Variants in PITPNC1 observed in about 807,000 individuals in gnomAD.
PITPNC1 encodes the protein cytoplasmic phosphatidylinositol transfer protein 1.
A neutral mutation model predicts 44.7 loss-of-function variants in PITPNC1; 18 were observed. That is an observed-to-expected ratio of 0.40 (90% CI 0.28 to 0.60). PITPNC1 has a LOEUF of 0.60. Among genes scored for constraint, PITPNC1 ranks in the 20% least tolerant of loss-of-function variants. The pLI, the probability that PITPNC1 is intolerant of heterozygous loss-of-function variation, is 0.39. For synonymous variants in PITPNC1, 141 were observed against 149.6 expected, an observed-to-expected ratio of 0.94 and a Z score of 0.42; for missense variants, 290 against 418.4, an observed-to-expected ratio of 0.69 and a Z score of 2.68.
chr17:67,477,241 C>CTT (rs3052411), intron 1 of PITPNC1, among the ~76,000 whole-genome samples: 97 of 96,972 alleles, frequency 1.0e-3, no homozygotes, highest in Non-Finnish European at 1.4e-3. Flanking sequence ...ACACCCAGCT[C>CTT]TTTTTTTTTT....
At chr17:67,545,333 C>T (rs2040663863) in intron 2 of PITPNC1, among the ~76,000 whole-genome samples, 1 of 151,758 alleles carries the variant, frequency 6.6e-6, no homozygotes, top group Admixed American at 6.6e-5. Flanking sequence ...TCTCCCAGCA[C>T]TTTGGGAGGC....
rs116005101 is a variant in PITPNC1, at chr17:67,489,759, A to C, written c.49-43043A>C. Among the ~76,000 whole-genome samples the C allele has an allele frequency of 3.9e-3, 590 of 151,266 alleles. 5 individuals carry two copies. Among genetic ancestry groups the C allele is most frequent in the African/African-American group, 0.014 (570 of 41,190 alleles). ...TATTTCTTTTTTCTTTTTCTTTTTT[A>C]ATTTGAGATGGAGTCTCGCTCTGTC... On this transcript the variant is annotated intron_variant, in intron 1 of 8. Transcript: ENST00000581322.
In PITPNC1 at chr17:67,461,252, CAT is replaced by C. The variant is rs377433062; in HGVS notation, c.49-71547_49-71546del. The stretch of plus-strand genomic sequence containing the variant: ...CAGATTTCTCAAATGAGAAGTAAAA[CAT>C]ATTCTATAAGTTTTGAAAATGCTTC... On this transcript the variant is annotated intron_variant, in intron 1 of 8. Transcript: ENST00000581322. 3.1e-3 allele frequency among the ~76,000 whole-genome samples: 466 copies of C among 152,342 alleles called. 1 individual carries two copies. Among genetic ancestry groups the C allele is most frequent in the African/African-American group, 9.9e-3 (412 of 41,580 alleles).
At chr17:67,605,775 T>A (rs2041600147) in intron 5 of PITPNC1, among the ~76,000 whole-genome samples, 1 of 152,196 alleles carries the variant, frequency 6.6e-6, no homozygotes. Context: ...GGACATCAAG[T>A]GAAGCCAGTA....
At chr17:67,501,652 T>A (rs1048613959) in intron 1 of PITPNC1, among the ~76,000 whole-genome samples, 1 of 152,040 alleles carries the variant, frequency 6.6e-6, no homozygotes, top group African/African-American at 2.4e-5. Context: ...GCCAACATGG[T>A]GAAATCCTGT....
intron 1 of PITPNC1, among the ~76,000 whole-genome samples, chr17:67,424,405 C>T (rs749443603): frequency 6.6e-6 from 1 of 152,084 alleles, no homozygotes; most frequent in African/African-American, 2.4e-5. Context: ...TCCTGTAATC[C>T]CAGCACTTTG....
rs1254431095 is a variant in PITPNC1, at chr17:67,440,710, G to GA, written c.48+62516dup. The stretch of plus-strand genomic sequence containing the variant: ...GTCATGCCTGGCTGATTTTTTTTTT[G>GA]AAAAAAAATTTTTTTTATAGGGATA... On this transcript the variant is annotated intron_variant, in intron 1 of 8. Coordinates refer to ENST00000581322, the MANE Select transcript of PITPNC1 (RefSeq NM_012417.4). Among the ~76,000 whole-genome samples the GA allele has an allele frequency of 2.4e-4, 35 of 148,658 alleles. 1 individual carries two copies. In the East Asian group the frequency reaches 4.9e-3, roughly 21 times the overall value.
chr17:67,415,362 C>G (rs530363595), intron 1 of PITPNC1, among the ~76,000 whole-genome samples: 1 of 152,314 alleles, frequency 6.6e-6, no homozygotes, highest in East Asian at 1.9e-4. Context: ...GGTGTCACTC[C>G]CATTAGATTG....
At chr17:67,450,976 G>T (rs932273598) in intron 1 of PITPNC1, among the ~76,000 whole-genome samples, 7 of 151,972 alleles carry the variant, frequency 4.6e-5, no homozygotes, top group African/African-American at 1.5e-4. Flanking sequence ...TCTGTATCTG[G>T]CGTCTTTTTC....
intron 1 of PITPNC1, among the ~76,000 whole-genome samples, chr17:67,425,508 G>A (rs1249728683): frequency 8.0e-5 from 8 of 99,582 alleles, no homozygotes; most frequent in Non-Finnish European, 1.1e-4. Flanking sequence ...TCTCTCATTC[G>A]CTATTTCTTT....
intron 1 of PITPNC1, among the ~76,000 whole-genome samples, chr17:67,401,650 C>T (rs917641584): frequency 6.6e-6 from 1 of 151,980 alleles, no homozygotes; most frequent in East Asian, 1.9e-4. Context: ...TCAAGACCAG[C>T]CTGGCCAAGA....
chr17:67,664,890 G>T (rs2042399663), intron 6 of PITPNC1, among the ~76,000 whole-genome samples: 1 of 148,666 alleles, frequency 6.7e-6, no homozygotes, highest in Non-Finnish European at 1.5e-5. Flanking sequence ...GGGCGACAGA[G>T]CGAGACTCCA....
intron 1 of PITPNC1, among the ~76,000 whole-genome samples, chr17:67,389,400 CAG>C (rs962690723): frequency 2.6e-5 from 4 of 152,194 alleles, no homozygotes; most frequent in African/African-American, 9.7e-5. Flanking sequence ...ATCTGGAAAA[CAG>C]GGCTATGGAA....
At chr17:67,640,025 A>C (rs1054438328) in intron 6 of PITPNC1, among the ~76,000 whole-genome samples, 87 of 151,946 alleles carry the variant, frequency 5.7e-4, no homozygotes, top group African/African-American at 1.8e-3. Flanking sequence ...GATTTAACAC[A>C]GCTGCCTCAT....
chr17:67,511,818 T>G (rs2040188285), intron 1 of PITPNC1, among the ~76,000 whole-genome samples: 1 of 152,112 alleles, frequency 6.6e-6, no homozygotes, highest in Admixed American at 6.6e-5. Flanking sequence ...CTGGCTAGCT[T>G]TTTAAATTTT....
chr17:67,414,469 C>T (rs7223640), intron 1 of PITPNC1, among the ~76,000 whole-genome samples: 88,326 of 151,574 alleles, frequency 0.58, 26,713 homozygotes, highest in African/African-American at 0.74. Flanking sequence ...TGCATCTATG[C>T]ATATAAAATT....
rs570801461 is a variant in PITPNC1 at position 67,441,692 on chromosome 17, G to A, written c.48+63490G>A. Among the ~76,000 whole-genome samples, 9 of 152,290 alleles carry A rather than the reference G, an allele frequency of 5.9e-5. No homozygotes were observed. The South Asian group carries it at 1.0e-3, about 18-fold the overall frequency. ...TCCTAAGAATGTGAAATTAGATGGG[G>A]AAAAGTGACAGAAGAGTGTCACTAA... On this transcript the variant is annotated intron_variant, in intron 1 of 8. Transcript: ENST00000581322.
intron 5 of PITPNC1, among the ~76,000 whole-genome samples, chr17:67,579,929 A>G (rs1185399251): frequency 7.0e-6 from 1 of 142,636 alleles, no homozygotes; most frequent in Admixed American, 7.2e-5. Context: ...ACAGAGCGAG[A>G]CTCTGTCTCA....
chr17:67,654,625 C>T (rs537101450), intron 6 of PITPNC1, among the ~76,000 whole-genome samples: 7 of 152,176 alleles, frequency 4.6e-5, no homozygotes, highest in African/African-American at 1.4e-4. Flanking sequence ...TGCAACAACC[C>T]GCAAGGAAGT....
Sources: gnomAD v4.1 joint callset for allele counts (sites outside exome capture counted in the v4.1 genomes callset) on GRCh38, gnomAD v4.1.1 for gene constraint, MANE v1.5 for transcripts, NCBI Gene and HGNC (gene_info 2026-07-23, HGNC 2026-07-21) for gene names.